The following GFRA2 variants were observed in gnomAD, a reference collection of about 807,000 sequenced individuals.
GFRA2 encodes GDNF family receptor alpha-2.
Under a neutral mutation model 48.3 loss-of-function variants are expected in GFRA2, and 17 were observed. That is an observed-to-expected ratio of 0.35 (90% CI 0.24 to 0.53). The LOEUF (loss-of-function observed/expected upper bound fraction) is 0.53. GFRA2 is among the 20% of genes least tolerant of loss of function. The probability of loss-of-function intolerance (pLI) is 0.93; values close to 1 mark genes in which losing one functional copy is unlikely to be tolerated. For synonymous variants in GFRA2, 305 were observed against 257.2 expected (o/e 1.19, Z -1.78); for missense variants, 660 against 637.3 (o/e 1.04, Z -0.38).
At position 21,727,512 on chromosome 8, in the gene GFRA2, C is replaced by T. The variant is rs4321997; in HGVS notation, c.795-21471G>A. On this transcript the variant is annotated intron_variant, in intron 4 of 8. Transcript: ENST00000524240. ...GTGGGGCTTGAGCCTCAGCGCTCCA[C>T]GCCTGGACACCACCTCCCCATCACG... Among the ~76,000 whole-genome samples, 270 of 152,322 alleles carry T rather than the reference C, an allele frequency of 1.8e-3. 1 individual carries two copies. The highest frequency in any genetic ancestry group is 6.1e-3 in the African/African-American group (252 of 41,574).
Position 21,690,989 on chromosome 8 carries a change from C to T in GFRA2, c.*2289G>A, listed in dbSNP as rs1801863955. 6.6e-6 allele frequency: 1 copy of T among 152,214 alleles called. No individual in the cohort carries two copies. The allele number at this position is 152,214 out of a possible 1,614,324, so 9.4% of individuals were successfully genotyped here. ...TGGCTGGACAGAGACCTGGCTGGCTCACTGTACCCCTTCCATGCAGAGGCT... is the reference window on the plus strand; with the variant it reads ...TGGCTGGACAGAGACCTGGCTGGCTTACTGTACCCCTTCCATGCAGAGGCT... On this transcript the variant is annotated 3_prime_UTR_variant, in exon 9 of 9. Coordinates refer to ENST00000524240, the MANE Select transcript of GFRA2 (RefSeq NM_001495.5).
intron 1 of GFRA2, among the ~76,000 whole-genome samples, chr8:21,783,608 G>A (rs1206306866): frequency 2.0e-5 from 3 of 151,788 alleles, no homozygotes; most frequent in Admixed American, 2.0e-4. Context: ...GCGAGCCCAG[G>A]AAGGAGGAGC....
chr8:21,713,799 G>A (rs924922147), intron 4 of GFRA2, among the ~76,000 whole-genome samples: 1 of 152,154 alleles, frequency 6.6e-6, no homozygotes, highest in Non-Finnish European at 1.5e-5. Context: ...CCCTCCCAGG[G>A]ATTCTGAGGC....
At position 21,782,861 on chromosome 8, in the gene GFRA2, G is replaced by C. The variant is rs1807079812; in HGVS notation, c.79C>G (p.Gln27Glu). ...CGCCAGCCGTGGAGCTCGGGGCCCT[G>C]CAGGGAGGAAGGGCTGGCCAAAGAG... ...LRSLASPSSL[Q>E]GPELHGWRPP... The change falls in exon 2 of 9, where the codon CAG becomes GAG. Residue 27 changes from glutamine (Q) to glutamate (E), a missense_variant. Gln to Glu is a conservative substitution (Grantham distance 29). Transcript: ENST00000524240. 7.0e-6 allele frequency: 11 copies of C among 1,568,304 alleles called. No homozygotes were observed. Among genetic ancestry groups the C allele is most frequent in the Non-Finnish European group, 9.4e-6 (11 of 1,164,268 alleles).
chr8:21,705,993 C>T lies in GFRA2; in HGVS notation c.843G>A (p.Thr281=), dbSNP rs773188702. The change falls in exon 5 of 9, where the codon ACG becomes ACA. Residue 281 remains threonine (T), a synonymous_variant. Transcript: ENST00000524240. ...AATTGTCCGCAGGGCAGCTGGTGAC[C>T]GTCTGGTAGGAGGCTCGACAATTGG... is the stretch of plus-strand genomic sequence containing the variant. ...FHANCRASYQ[T]VTSCPADNYQ... is the part of the protein sequence containing the mutation. 4.5e-5 allele frequency: 71 copies of T among 1,581,050 alleles called. 1 individual carries two copies. The highest frequency in any genetic ancestry group is 1.7e-4 in the Middle Eastern group (1 of 6,022).
intron 3 of GFRA2, among the ~76,000 whole-genome samples, chr8:21,766,135 C>T (rs912243961): frequency 2.6e-5 from 4 of 152,110 alleles, no homozygotes; most frequent in African/African-American, 4.8e-5. Context: ...CCCTGGGTCC[C>T]ACCCTCCACG....
chr8:21,788,718 G>A lies in GFRA2; in HGVS notation c.-559C>T. 1.0e-6 allele frequency: 1 copy of A among 981,884 alleles called. No homozygotes were observed. The highest frequency in any genetic ancestry group is 1.2e-6 in the Non-Finnish European group (1 of 827,038). The allele number at this position is 981,884 out of a possible 1,614,324, so 60.8% of individuals were successfully genotyped here. A position where few individuals can be genotyped will look rare whatever the true frequency, so the allele number is the denominator to read the frequency against. On this transcript the variant is annotated 5_prime_UTR_variant, in exon 1 of 9. Transcript: ENST00000524240. ...TTCTTTCGCACCAAGACGAAGACAA[G>A]ATTCAAAAAAATCTTCTCCCGCTAA...
chr8:21,742,859 G>A (rs1284816010), intron 4 of GFRA2, among the ~76,000 whole-genome samples: 3 of 152,132 alleles, frequency 2.0e-5, no homozygotes, highest in Admixed American at 2.0e-4. Context: ...ATCCACCTGG[G>A]GTGTGAGCCT....
rs780881332 is a variant in GFRA2, at chr8:21,702,832, A to T, written c.1191T>A (p.Ser397Arg). 3.7e-6 allele frequency: 6 copies of T among 1,609,196 alleles called. No individual in the cohort carries two copies. Among genetic ancestry groups the T allele is most frequent in the South Asian group, 1.1e-5 (1 of 90,850 alleles). The change falls in exon 7 of 9, where the codon AGT (serine) becomes AGA (arginine). Residue 397 changes from serine to arginine, a missense_variant. Physicochemically the swap from Ser to Arg is moderately radical, Grantham distance 110. Transcript: ENST00000524240. ...GGACAGACGTGCAGGTGGTGATGACACTGGTCCCCAAGCTGGTACTGTCAC... is the reference window on the plus strand; with the variant it reads ...GGACAGACGTGCAGGTGGTGATGACTCTGGTCCCCAAGCTGGTACTGTCAC... ...DLSDSTSLGT[S>R]VITTCTSVQE...
intron 1 of GFRA2, among the ~76,000 whole-genome samples, chr8:21,786,726 G>A (rs1476472318): frequency 1.3e-5 from 2 of 152,148 alleles, no homozygotes; most frequent in African/African-American, 4.8e-5. Flanking sequence ...GAAGCAGAGG[G>A]GACAGGCAGA....
intron 4 of GFRA2, among the ~76,000 whole-genome samples, chr8:21,710,289 C>A (rs1802953457): frequency 6.6e-6 from 1 of 152,228 alleles, no homozygotes; most frequent in African/African-American, 2.4e-5. Flanking sequence ...ATGGCAGGCG[C>A]CCGATGGAGA....
chr8:21,725,914 G>A (rs930347259), intron 4 of GFRA2, among the ~76,000 whole-genome samples: 2 of 152,220 alleles, frequency 1.3e-5, no homozygotes, highest in African/African-American at 4.8e-5. Flanking sequence ...CCCCAGGATG[G>A]GGGTGACAGT....
At position 21,694,495 on chromosome 8, in the gene GFRA2, T is replaced by A; in HGVS notation, c.1241A>T (p.Asn414Ile). ...GAAGCACATGCTTAACTCTTTGGAG[T>A]TGTTGGCCTTCAGCCCCTGCTCCTG... ...SVQEQGLKAN[N>I]SKELSMCFTE... Residue 414 changes from asparagine (N) to isoleucine (I), a missense_variant, in exon 8 of 9, where the codon AAC (asparagine) becomes ATC (isoleucine). Physicochemically the swap from Asn to Ile is moderately radical, Grantham distance 149. Transcript: ENST00000524240. 1 of 1,612,006 alleles carries A rather than the reference T, an allele frequency of 6.2e-7. No homozygotes were observed. Among genetic ancestry groups the A allele is most frequent in the Middle Eastern group, 1.7e-4 (1 of 6,058 alleles).
chr8:21,692,305 C>G lies in GFRA2; in HGVS notation c.*973G>C, dbSNP rs548219513. On this transcript the variant is annotated 3_prime_UTR_variant, in exon 9 of 9. Coordinates refer to ENST00000524240, the MANE Select transcript of GFRA2 (RefSeq NM_001495.5). The stretch of plus-strand genomic sequence containing the variant: ...ATACATATATGTTAGGAGAGGAGCC[C>G]CGGTATGTACATACAGTTGACGTAC... 5 of 151,636 alleles carry G rather than the reference C, an allele frequency of 3.3e-5. No homozygotes were observed. The highest frequency in any genetic ancestry group is 5.9e-5 in the Non-Finnish European group (4 of 67,928). The allele number at this position is 151,636 out of a possible 1,614,324, so 9.4% of individuals were successfully genotyped here. A position where few individuals can be genotyped will look rare whatever the true frequency, so the allele number is the denominator to read the frequency against.
chr8:21,754,974 T>C (rs915123156), intron 3 of GFRA2, among the ~76,000 whole-genome samples: 20 of 152,084 alleles, frequency 1.3e-4, no homozygotes, highest in Admixed American at 6.5e-4. Context: ...AAAGGAGACA[T>C]GTATCACACC....
intron 7 of GFRA2, among the ~76,000 whole-genome samples, chr8:21,701,670 C>T (rs921205543): frequency 5.3e-5 from 8 of 152,174 alleles, no homozygotes; most frequent in Admixed American, 2.6e-4. Flanking sequence ...CAAGCACTTT[C>T]GCATGTATCA....
At chr8:21,726,484 C>G (rs983051413) in intron 4 of GFRA2, among the ~76,000 whole-genome samples, 1 of 152,192 alleles carries the variant, frequency 6.6e-6, no homozygotes, top group African/African-American at 2.4e-5. Flanking sequence ...GTTCTGGAGG[C>G]CAGAAGTCCA....
intron 4 of GFRA2, among the ~76,000 whole-genome samples, chr8:21,723,759 G>C (rs1803721625): frequency 6.6e-6 from 1 of 152,182 alleles, no homozygotes; most frequent in Admixed American, 6.5e-5. Context: ...CTTCTCAACA[G>C]GCTAGAAAGT....
chr8:21,721,026 A>G (rs1369583403), intron 4 of GFRA2, among the ~76,000 whole-genome samples: 14 of 110,048 alleles, frequency 1.3e-4, no homozygotes, highest in Admixed American at 2.0e-4. Context: ...GGGGAGGGGA[A>G]GGGAAGGGAG....
Sources: gnomAD v4.1 joint callset for allele counts (sites outside exome capture counted in the v4.1 genomes callset) on GRCh38, gnomAD v4.1.1 for gene constraint, MANE v1.5 for transcripts, NCBI Gene and HGNC (gene_info 2026-07-23, HGNC 2026-07-21) for gene names.